ATP6V0A4: variants seen among roughly 807,000 people sequenced by gnomAD.
ATP6V0A4 encodes the protein ATPase H+ transporting V0 subunit a4.
In ATP6V0A4, 86 loss-of-function variants were observed where a neutral mutation model predicts 107.3. The ratio of observed to expected loss-of-function variants is 0.80; its 90% CI spans 0.67 to 0.96. The LOEUF is 0.96. Ranked by LOEUF, ATP6V0A4 falls within the 40% of genes least tolerant of loss-of-function variation. The pLI, the probability that ATP6V0A4 is intolerant of heterozygous loss-of-function variation, is 0.00. For synonymous variants in ATP6V0A4, 353 were observed against 381.4 expected, an observed-to-expected ratio of 0.93 and a Z score of 0.87; for missense variants, 908 against 1,045.6, an observed-to-expected ratio of 0.87 and a Z score of 1.81.
chr7:138,756,523 C>T lies in ATP6V0A4; in HGVS notation c.657G>A (p.Lys219=). The T allele has an allele frequency of 6.9e-6, 11 of 1,600,216 alleles. No individual in the cohort carries two copies. Among genetic ancestry groups the T allele is most frequent in the Non-Finnish European group, 8.5e-6 (10 of 1,171,716 alleles). The change falls in exon 9 of 22, where the codon AAG becomes AAA. Residue 219 remains lysine (K), a synonymous_variant. Transcript: ENST00000310018. ...CTTGGTAAAATATGATGAATATGTT[C>T]TTCTGAATTTCTTCTTTCTGGAAAA... ...EDPVTKEEIQ[K]NIFIIFYQGE...
At chr7:138,762,561 G>T in intron 6 of ATP6V0A4, 127 bp from the exon 7 acceptor site, 1 of 1,505,492 alleles carries the variant, frequency 6.6e-7, no homozygotes, top group Non-Finnish European at 8.9e-7. Flanking sequence ...ACAGAAGTCA[G>T]AAAACAGAGT....
At chr7:138,795,590 AC>A (rs1808620331) in intron 1 of ATP6V0A4, among the ~76,000 whole-genome samples, 1 of 152,148 alleles carries the variant, frequency 6.6e-6, no homozygotes, top group South Asian at 2.1e-4. Context: ...GAACTGTATA[AC>A]TTTGCTTTTG....
intron 7 of ATP6V0A4, among the ~76,000 whole-genome samples, chr7:138,761,308 G>A (rs888039967): frequency 6.7e-6 from 1 of 149,776 alleles, no homozygotes; most frequent in Non-Finnish European, 1.5e-5. Context: ...CTCCAGCCTG[G>A]GCAACAGAGT....
rs751557003 is a variant in ATP6V0A4 at position 138,709,610 on chromosome 7, A to T, written c.2429+14T>A. Reference sequence around the variant, plus strand: ...CAACACCACATTGAGCTTCCAGGGGACAACCATCCTTACCAGTGCAGTCGC... The same window carrying T: ...CAACACCACATTGAGCTTCCAGGGGTCAACCATCCTTACCAGTGCAGTCGC... On this transcript the variant is annotated intron_variant, in intron 21 of 21. Coordinates refer to ENST00000310018, the MANE Select transcript of ATP6V0A4 (RefSeq NM_020632.3). The T allele has an allele frequency of 6.2e-7, 1 of 1,611,206 alleles. No individual in the cohort carries two copies. The highest frequency in any genetic ancestry group is 8.5e-7 in the Non-Finnish European group (1 of 1,178,182).
chr7:138,729,106 T>C (rs1804860373), intron 17 of ATP6V0A4, among the ~76,000 whole-genome samples: 1 of 152,226 alleles, frequency 6.6e-6, no homozygotes, highest in Non-Finnish European at 1.5e-5. Context: ...TTCCTTATTC[T>C]GAGTAGTCCC....
Position 138,773,289 on chromosome 7 carries a change from C to T in ATP6V0A4, c.-17-2025G>A, listed in dbSNP as rs568446330. Among the ~76,000 whole-genome samples, 4 of 152,254 alleles carry T rather than the reference C, an allele frequency of 2.6e-5. No individual in the cohort carries two copies. The highest frequency in any genetic ancestry group is 7.2e-5 in the African/African-American group (3 of 41,540). On this transcript the variant is annotated intron_variant, in intron 2 of 21. Coordinates refer to ENST00000310018, the MANE Select transcript of ATP6V0A4 (RefSeq NM_020632.3). The surrounding 1 kb of genome is among the most constrained non-coding windows in gnomAD (Gnocchi z 5.4). ...CAGCTCCCACCCCCTTCAGGCCCTT[C>T]GCCCAGGCTTTCCCCTGGGTTTGGA...
chr7:138,707,340 T>C (rs1803485067), intron 21 of ATP6V0A4, among the ~76,000 whole-genome samples: 1 of 102,320 alleles, frequency 9.8e-6, no homozygotes, highest in Non-Finnish European at 1.8e-5. Context: ...ATTTATAATA[T>C]ATATATTATA....
At chr7:138,749,631 C>T (rs1426839662) in intron 11 of ATP6V0A4, among the ~76,000 whole-genome samples, 1 of 152,110 alleles carries the variant, frequency 6.6e-6, no homozygotes, top group Non-Finnish European at 1.5e-5. Context: ...TCCACTTTCT[C>T]AATTCATCCC....
At position 138,744,082 on chromosome 7, in the gene ATP6V0A4, A is replaced by AG. The variant is rs1805777752; in HGVS notation, c.1478+1040dup. Among the ~76,000 whole-genome samples the AG allele has an allele frequency of 4.6e-5, 7 of 152,240 alleles. No individual in the cohort carries two copies. In the South Asian group the frequency reaches 1.5e-3, roughly 32 times the overall value. ...TGCATAAAATCACTGTAGAATGCAT[A>AG]GGGGAAGGGTGGACTGTGGGGATTT... On this transcript the variant is annotated intron_variant, in intron 14 of 21. Transcript: ENST00000310018.
chr7:138,777,225 G>T (rs1446480682), intron 2 of ATP6V0A4, among the ~76,000 whole-genome samples: 3 of 152,122 alleles, frequency 2.0e-5, no homozygotes, highest in Non-Finnish European at 4.4e-5. Context: ...CCCCAAGTCT[G>T]CTGGGCCAAT....
intron 18 of ATP6V0A4, among the ~76,000 whole-genome samples, chr7:138,725,963 C>T (rs964765621): frequency 6.6e-6 from 1 of 151,622 alleles, no homozygotes. Flanking sequence ...CCATAAAAAA[C>T]GCACATGTTG....
At chr7:138,761,923 A>C (rs558225595) in intron 7 of ATP6V0A4, among the ~76,000 whole-genome samples, 1 of 152,010 alleles carries the variant, frequency 6.6e-6, no homozygotes, top group African/African-American at 2.4e-5. Flanking sequence ...CAAGTGATCC[A>C]CCCACCTCAG....
intron 8 of ATP6V0A4, among the ~76,000 whole-genome samples, chr7:138,757,640 G>C (rs1453996899): frequency 6.6e-6 from 1 of 152,154 alleles, no homozygotes; most frequent in Non-Finnish European, 1.5e-5. Flanking sequence ...CCATTTGTCG[G>C]GACCTATCGG....
At chr7:138,771,844 C>T (rs11972935) in intron 2 of ATP6V0A4, among the ~76,000 whole-genome samples, 2,561 of 152,134 alleles carry the variant, frequency 0.017, 77 homozygotes, top group African/African-American at 0.057. Flanking sequence ...TGGTATTGAA[C>T]TCCTGGACTG....
chr7:138,756,352 C>G (rs756223116), intron 9 of ATP6V0A4, 106 bp downstream of exon 9: 259 of 1,557,488 alleles, frequency 1.7e-4, no homozygotes, highest in Non-Finnish European at 2.2e-4. Flanking sequence ...TATTCTAAAG[C>G]CTTACTGACC....
intron 2 of ATP6V0A4, among the ~76,000 whole-genome samples, chr7:138,783,679 T>C (rs1203519586): frequency 1.3e-5 from 2 of 152,132 alleles, no homozygotes; most frequent in Non-Finnish European, 2.9e-5. Context: ...TGAGCCATGA[T>C]TGTACCACTG....
chr7:138,762,753 C>A, intron 6 of ATP6V0A4, 147 bp downstream of exon 6: 1 of 1,031,694 alleles, frequency 9.7e-7, no homozygotes, highest in Non-Finnish European at 1.5e-6. Flanking sequence ...ATTATTCCAC[C>A]CAAAATACTC....
intron 1 of ATP6V0A4, among the ~76,000 whole-genome samples, chr7:138,792,772 T>TGG (rs769047917): frequency 8.7e-6 from 1 of 115,288 alleles, no homozygotes; most frequent in East Asian, 2.3e-4. Flanking sequence ...GTTTGTTTTT[T>TGG]TTTTTGTTGT....
chr7:138,712,864 T>C (rs552778229), intron 20 of ATP6V0A4, among the ~76,000 whole-genome samples: 1 of 152,234 alleles, frequency 6.6e-6, no homozygotes, highest in South Asian at 2.1e-4. Context: ...GTCCTCCAAC[T>C]ACTGCTGGGG....
Sources: allele counts gnomAD v4.1 joint callset (sites outside exome capture counted in the v4.1 genomes callset), GRCh38; gene constraint gnomAD v4.1.1; non-coding constraint Gnocchi (gnomAD v3.1); transcripts MANE v1.5; gene names NCBI Gene and HGNC (gene_info 2026-07-23, HGNC 2026-07-21).